Variants in TPST1 observed in about 807,000 individuals in gnomAD.
TPST1 encodes the protein tyrosylprotein sulfotransferase 1.
TPST1 carries 20 observed loss-of-function variants against 34.8 expected under a neutral mutation model. The ratio of observed to expected loss-of-function variants is 0.57; its 90% confidence interval spans 0.40 to 0.84. The LOEUF is 0.84. Among genes scored for constraint, TPST1 ranks in the 40% least tolerant of loss-of-function variants. The pLI is 0.00. For missense variants in TPST1, 353 were observed against 455.5 expected, an observed-to-expected ratio of 0.78 and a Z score of 2.05; for synonymous variants, 152 against 159.4, an observed-to-expected ratio of 0.95 and a Z score of 0.35.
At chr7:66,234,268 C>T (rs1176252361) in intron 1 of TPST1, among the ~76,000 whole-genome samples, 1 of 152,204 alleles carries the variant, frequency 6.6e-6, no homozygotes, top group African/African-American at 2.4e-5. Context: ...ACTCATTCTT[C>T]AGGTCTTAGC....
intron 4 of TPST1, chr7:66,353,028 G>A: frequency 1.0e-6 from 1 of 983,956 alleles, no homozygotes; most frequent in Non-Finnish European, 1.2e-6. Context: ...GAGTTTGAAG[G>A]ATTAAAGCCA....
At chr7:66,253,615 C>T (rs1402524398) in intron 2 of TPST1, among the ~76,000 whole-genome samples, 1 of 151,786 alleles carries the variant, frequency 6.6e-6, no homozygotes, top group South Asian at 2.1e-4. Context: ...TTGTGATCCG[C>T]CCACCCTGGC....
intron 2 of TPST1, among the ~76,000 whole-genome samples, chr7:66,261,869 A>G (rs1024035884): frequency 1.3e-5 from 2 of 152,194 alleles, no homozygotes; most frequent in Non-Finnish European, 2.9e-5. Flanking sequence ...TTAGGATAGT[A>G]TCTGGCATCT....
At chr7:66,321,854 A>AT in intron 3 of TPST1, among the ~76,000 whole-genome samples, 1 of 152,144 alleles carries the variant, frequency 6.6e-6, no homozygotes, top group East Asian at 1.9e-4. Context: ...ACCTTTTCAT[A>AT]TGTCATTGAC....
chr7:66,344,133 C>T (rs1412523621), intron 3 of TPST1, among the ~76,000 whole-genome samples: 1 of 152,114 alleles, frequency 6.6e-6, no homozygotes, highest in Non-Finnish European at 1.5e-5. Flanking sequence ...CCTGGTGGCT[C>T]ACACTGTATC....
At chr7:66,296,124 G>C (rs1336841842) in intron 3 of TPST1, among the ~76,000 whole-genome samples, 1 of 151,982 alleles carries the variant, frequency 6.6e-6, no homozygotes, top group African/African-American at 2.4e-5. Flanking sequence ...TTGCTTTCTT[G>C]AGTGGTGGGT....
At chr7:66,309,124 C>T (rs551168768) in intron 3 of TPST1, among the ~76,000 whole-genome samples, 2 of 152,264 alleles carry the variant, frequency 1.3e-5, no homozygotes, top group South Asian at 4.2e-4. Flanking sequence ...TCTTGGAACT[C>T]CTGACCTCAG....
intron 3 of TPST1, 114 bp downstream of exon 3, chr7:66,286,823 T>TCTTTTTTTG (rs1554349112): frequency 1.6e-6 from 1 of 624,904 alleles, no homozygotes; most frequent in Non-Finnish European, 2.2e-6. Context: ...ATATATTTTT[T>TCTTTTTTTG]TTTTTTTTCA....
chr7:66,224,624 A>G (rs1190848929), intron 1 of TPST1, among the ~76,000 whole-genome samples: 2 of 152,148 alleles, frequency 1.3e-5, no homozygotes, highest in South Asian at 2.1e-4. Flanking sequence ...GGTGTTGGGC[A>G]TGGCCTTGCT....
chr7:66,247,080 G>T (rs1167721277), intron 2 of TPST1, among the ~76,000 whole-genome samples: 5 of 152,150 alleles, frequency 3.3e-5, no homozygotes, highest in African/African-American at 1.2e-4. Context: ...CATATATAAT[G>T]CAGGGTTAAG....
intron 4 of TPST1, among the ~76,000 whole-genome samples, chr7:66,353,710 T>C (rs1792526741): frequency 6.6e-6 from 1 of 152,238 alleles, no homozygotes; most frequent in African/African-American, 2.4e-5. Context: ...ATGATGCATG[T>C]TGCCTCCAGG....
Position 66,240,700 on chromosome 7 carries a change from A to T in TPST1, c.275A>T (p.His92Leu). 6.2e-7 allele frequency: 1 copy of T among 1,614,194 alleles called. No homozygotes were observed. Among genetic ancestry groups the T allele is most frequent in the Non-Finnish European group, 8.5e-7 (1 of 1,180,038 alleles). ...TTLMRAMLDA[H>L]PDIRCGEETR... The stretch of plus-strand genomic sequence containing the variant: ...CTCATGAGGGCCATGCTGGACGCAC[A>T]TCCTGACATTCGCTGTGGAGAGGAA... Residue 92 changes from histidine (H) to leucine (L), a missense_variant, in exon 2 of 6, where the codon CAT becomes CTT. His to Leu is a moderately conservative substitution (Grantham distance 99, BLOSUM62 -3). Transcript: ENST00000304842.
chr7:66,327,902 A>T (rs941859311), intron 3 of TPST1, among the ~76,000 whole-genome samples: 4 of 151,800 alleles, frequency 2.6e-5, no homozygotes, highest in African/African-American at 9.7e-5. Flanking sequence ...TAGTTAAATC[A>T]GAGGTTAGCA....
At chr7:66,270,577 G>A (rs764145859) in intron 2 of TPST1, among the ~76,000 whole-genome samples, 1 of 152,052 alleles carries the variant, frequency 6.6e-6, no homozygotes, top group Non-Finnish European at 1.5e-5. Flanking sequence ...TCTTTTAATC[G>A]ACAGATTTCC....
chr7:66,274,690 C>CT (rs1562824803), intron 2 of TPST1, among the ~76,000 whole-genome samples: 1 of 152,062 alleles, frequency 6.6e-6, no homozygotes, highest in Non-Finnish European at 1.5e-5. Context: ...AACCATATAT[C>CT]TGATATGGAG....
intron 3 of TPST1, among the ~76,000 whole-genome samples, chr7:66,303,258 C>G (rs1366996391): frequency 4.1e-5 from 6 of 147,702 alleles, no homozygotes; most frequent in African/African-American, 1.5e-4. Context: ...TAACAACTTT[C>G]TGGTCTGAAA....
chr7:66,280,333 A>T (rs1314873749), intron 2 of TPST1, among the ~76,000 whole-genome samples: 1 of 152,226 alleles, frequency 6.6e-6, no homozygotes, highest in Non-Finnish European at 1.5e-5. Context: ...ATCTTGGGCC[A>T]TCTTCTTGTA....
chr7:66,213,440 T>C (rs1328081201), intron 1 of TPST1, among the ~76,000 whole-genome samples: 2 of 152,170 alleles, frequency 1.3e-5, no homozygotes, highest in Non-Finnish European at 2.9e-5. Context: ...TGTCATTTGT[T>C]TAAAGAGTGT....
upstream of TPST1, among the ~76,000 whole-genome samples, chr7:66,204,682 CCACCT>C (rs1254426106): frequency 6.6e-6 from 1 of 152,360 alleles, no homozygotes; most frequent in East Asian, 1.9e-4. Context: ...TGCCCTTTCC[CCACCT>C]TTCTTTTGCT....
Sources: gnomAD v4.1 joint callset for allele counts (sites outside exome capture counted in the v4.1 genomes callset) on GRCh38, gnomAD v4.1.1 for gene constraint, MANE v1.5 for transcripts, NCBI Gene and HGNC (gene_info 2026-07-23, HGNC 2026-07-21) for gene names.